CABIN1: variants seen among roughly 807,000 people sequenced by gnomAD.
CABIN1 encodes calcineurin-binding protein cabin-1.
In CABIN1, 133 loss-of-function variants were observed where a neutral mutation model predicts 227.7. The observed-to-expected ratio is 0.58, with a 90% confidence interval of 0.51 to 0.67. CABIN1 has a LOEUF of 0.67. Ranked by LOEUF, CABIN1 falls within the 30% of genes least tolerant of loss-of-function variation. The pLI is 0.00. For synonymous variants in CABIN1, 1,086 were observed against 1,155.1 expected (o/e 0.94, Z 1.21); for missense variants, 2,408 against 2,852.5 (o/e 0.84, Z 3.55).
chr22:24,110,543 T>C (rs2042753126), intron 26 of CABIN1, among the ~76,000 whole-genome samples: 2 of 152,242 alleles, frequency 1.3e-5, no homozygotes, highest in African/African-American at 4.8e-5. Flanking sequence ...GGCTTCATAT[T>C]CATTCTACCT....
Position 24,049,123 on chromosome 22 carries a change from A to G in CABIN1, c.559A>G (p.Lys187Glu), listed in dbSNP as rs2038124692. ...GTACTTCATCTGCAAAGCTTTGGAG[A>G]AGGATTGCCGGTACAGCAAAGGGCT... Reference protein sequence around the residue: ...CLYFICKALEKDCRYSKGLVL... With the variant: ...CLYFICKALEEDCRYSKGLVL... Residue 187 changes from lysine to glutamate, a missense_variant, in exon 7 of 37, where the codon AAG (lysine) becomes GAG (glutamate). Lys to Glu is a moderately conservative substitution (Grantham distance 56). Coordinates refer to ENST00000263119, the MANE Select transcript of CABIN1 (RefSeq NM_012295.4). 1 of 1,614,032 alleles carries G rather than the reference A, an allele frequency of 6.2e-7. No homozygotes were observed. Among genetic ancestry groups the G allele is most frequent in the Middle Eastern group, 1.6e-4 (1 of 6,062 alleles).
In CABIN1 at chr22:24,108,382, A is replaced by G. The variant is rs188320896; in HGVS notation, c.4118-5184A>G. On this transcript the variant is annotated intron_variant, in intron 26 of 36. Coordinates refer to ENST00000263119, the MANE Select transcript of CABIN1 (RefSeq NM_012295.4). ...TTGATCCCCTCATGCTGGGGACTCA[A>G]GTTTGGGACATTTTGTGAGGGCTGC... Among the ~76,000 whole-genome samples, 5 of 152,280 alleles carry G rather than the reference A, an allele frequency of 3.3e-5. No homozygotes were observed. The East Asian group carries it at 9.7e-4, about 29-fold the overall frequency.
chr22:24,056,444 C>A (rs1226846058), intron 10 of CABIN1, 84 bp downstream of exon 10: 1 of 1,351,564 alleles, frequency 7.4e-7, no homozygotes, highest in Non-Finnish European at 1.1e-6. Flanking sequence ...ATTCCATTGC[C>A]ACCCTCTTCT....
chr22:24,117,145 T>G (rs899283603), intron 27 of CABIN1, among the ~76,000 whole-genome samples: 1 of 152,166 alleles, frequency 6.6e-6, no homozygotes, highest in Admixed American at 6.5e-5. Flanking sequence ...GTAAGGCAGC[T>G]CGCCCCATCT....
At chr22:24,159,787 C>T (rs2046043434) in intron 29 of CABIN1, among the ~76,000 whole-genome samples, 1 of 152,200 alleles carries the variant, frequency 6.6e-6, no homozygotes, top group Non-Finnish European at 1.5e-5. Flanking sequence ...GCCCAAGGGA[C>T]TTAATTATGA....
At chr22:24,118,544 C>G (rs934228554) in intron 27 of CABIN1, among the ~76,000 whole-genome samples, 1 of 152,192 alleles carries the variant, frequency 6.6e-6, no homozygotes, top group African/African-American at 2.4e-5. Flanking sequence ...CTGGCCTCCT[C>G]CAGGCAGGCT....
intron 17 of CABIN1, among the ~76,000 whole-genome samples, chr22:24,071,413 C>T (rs1005546463): frequency 2.0e-5 from 3 of 152,164 alleles, no homozygotes; most frequent in African/African-American, 2.4e-5. Flanking sequence ...TATCCTGGCA[C>T]TTCCAACTGA....
intron 19 of CABIN1, among the ~76,000 whole-genome samples, chr22:24,082,795 G>A (rs911338526): frequency 1.3e-5 from 2 of 152,180 alleles, no homozygotes; most frequent in Non-Finnish European, 2.9e-5. Flanking sequence ...TTTGTTTATA[G>A]TTTAACTTTA....
chr22:24,177,888 G>C lies in CABIN1; in HGVS notation c.6519+71G>C. ...AGGTTACAAAGGGGGCCTAGGATGG[G>C]GGTGGGGGTGGCAGGAGGGCCTGGG... On this transcript the variant is annotated intron_variant, in intron 36 of 36. Transcript: ENST00000263119. The surrounding 1 kb of genome is among the most constrained non-coding windows in gnomAD (Gnocchi z 4.4). 2 of 1,538,490 alleles carry C rather than the reference G, an allele frequency of 1.3e-6. No individual in the cohort carries two copies. Among genetic ancestry groups the C allele is most frequent in the Non-Finnish European group, 1.8e-6 (2 of 1,129,016 alleles).
intron 26 of CABIN1, among the ~76,000 whole-genome samples, chr22:24,105,226 A>G (rs1167784391): frequency 6.6e-6 from 1 of 152,098 alleles, no homozygotes; most frequent in Non-Finnish European, 1.5e-5. Context: ...TTTACAGTTG[A>G]TCCTGCAAAT....
At chr22:24,157,006 G>C (rs935084980) in intron 29 of CABIN1, among the ~76,000 whole-genome samples, 1 of 152,186 alleles carries the variant, frequency 6.6e-6, no homozygotes, top group Non-Finnish European at 1.5e-5. Context: ...ATTACCTGTG[G>C]ATGGCGCGGG....
rs374564349 is a variant in CABIN1, at chr22:24,091,866, C to T, written c.3786+23C>T. 3.0e-5 allele frequency: 48 copies of T among 1,610,386 alleles called. No individual in the cohort carries two copies. In the East Asian group the frequency reaches 4.0e-4, roughly 13 times the overall value. On this transcript the variant is annotated intron_variant, in intron 24 of 36. Transcript: ENST00000263119. Reference sequence around the variant, plus strand: ...GAGGTGACACCATGCTGGCCCAGGGCGGGGAAGCAGGGCAGGGGCAGGCTG... The same window carrying T: ...GAGGTGACACCATGCTGGCCCAGGGTGGGGAAGCAGGGCAGGGGCAGGCTG...
intron 26 of CABIN1, among the ~76,000 whole-genome samples, chr22:24,110,063 C>G (rs940898424): frequency 2.0e-5 from 3 of 152,118 alleles, no homozygotes; most frequent in Admixed American, 2.0e-4. Context: ...CCCAGCTACT[C>G]AGGAGGCTGA....
At chr22:24,167,695 T>A (rs920348387) in intron 32 of CABIN1, among the ~76,000 whole-genome samples, 2 of 152,222 alleles carry the variant, frequency 1.3e-5, no homozygotes. Flanking sequence ...TTTATTTTAA[T>A]GTATCAAGCA....
chr22:24,054,041 G>A (rs1336105874), intron 8 of CABIN1, among the ~76,000 whole-genome samples: 1 of 152,152 alleles, frequency 6.6e-6, no homozygotes, highest in African/African-American at 2.4e-5. Context: ...CCAGTGGCAT[G>A]TGAGAGTGTG....
chr22:24,131,988 T>C (rs2148147201), intron 28 of CABIN1, among the ~76,000 whole-genome samples: 1 of 150,460 alleles, frequency 6.6e-6, no homozygotes, highest in East Asian at 2.0e-4. Flanking sequence ...ATCACTTGAA[T>C]CACTTGGAGG....
At chr22:24,145,116 T>C (rs2148389230) in intron 29 of CABIN1, among the ~76,000 whole-genome samples, 1 of 151,922 alleles carries the variant, frequency 6.6e-6, no homozygotes, top group Non-Finnish European at 1.5e-5. Flanking sequence ...CCTCGCAGAG[T>C]TGCATGCTAT....
intron 24 of CABIN1, among the ~76,000 whole-genome samples, chr22:24,092,631 A>G (rs1451286781): frequency 6.6e-6 from 1 of 151,586 alleles, no homozygotes; most frequent in Non-Finnish European, 1.5e-5. Context: ...TGGAGTGTGG[A>G]CAGAATCTGC....
chr22:24,047,017 A>C (rs1010914157), intron 6 of CABIN1, among the ~76,000 whole-genome samples: 8 of 152,140 alleles, frequency 5.3e-5, no homozygotes, highest in Non-Finnish European at 1.0e-4. Context: ...GCCCCCCCAC[A>C]TTAGGGAGGG....
Sources: allele counts gnomAD v4.1 joint callset (sites outside exome capture counted in the v4.1 genomes callset), GRCh38; gene constraint gnomAD v4.1.1; non-coding constraint Gnocchi (gnomAD v3.1); transcripts MANE v1.5; gene names NCBI Gene and HGNC (gene_info 2026-07-23, HGNC 2026-07-21).